Variants in DGKG observed in about 807,000 individuals in gnomAD.
DGKG encodes diacylglycerol kinase gamma.
In DGKG, 78 loss-of-function variants were observed where a neutral mutation model predicts 105.3. That is an observed-to-expected ratio of 0.74 (90% CI 0.62 to 0.89). DGKG has a LOEUF of 0.89. DGKG is among the 40% of genes least tolerant of loss of function. The probability of loss-of-function intolerance (pLI) is 0.00; values close to 1 mark genes in which losing one functional copy is unlikely to be tolerated. For missense variants in DGKG, 958 were observed against 1,020.1 expected (o/e 0.94, Z 0.83); for synonymous variants, 346 against 367.1 (o/e 0.94, Z 0.66).
intron 1 of DGKG, among the ~76,000 whole-genome samples, chr3:186,343,079 G>A (rs1374299773): frequency 2.6e-5 from 4 of 152,068 alleles, no homozygotes; most frequent in African/African-American, 9.7e-5. Flanking sequence ...CCCACTATGG[G>A]CCAAAAAAAG....
chr3:186,152,961 CTTTTTTTTTTT>C, intron 24 of DGKG, among the ~76,000 whole-genome samples: 1 of 124,500 alleles, frequency 8.0e-6, no homozygotes, highest in East Asian at 2.4e-4. Context: ...CGCGCCCGGC[CTTTTTTTTTTT>C]TTTTTTTTTA....
At chr3:186,235,623 G>A (rs1720378184) in intron 20 of DGKG, among the ~76,000 whole-genome samples, 1 of 152,188 alleles carries the variant, frequency 6.6e-6, no homozygotes, top group Non-Finnish European at 1.5e-5. Context: ...TGTAAATCAT[G>A]ATATATTTTA....
intron 1 of DGKG, among the ~76,000 whole-genome samples, chr3:186,329,098 A>G (rs978436932): frequency 6.6e-5 from 10 of 152,148 alleles, no homozygotes; most frequent in African/African-American, 2.4e-4. Flanking sequence ...AGTATGAACA[A>G]TCTTCTTATT....
At chr3:186,294,833 G>A (rs1195959403) in intron 5 of DGKG, among the ~76,000 whole-genome samples, 4 of 152,174 alleles carry the variant, frequency 2.6e-5, no homozygotes, top group African/African-American at 2.4e-5. Flanking sequence ...GCTGAGTGGC[G>A]TGCTGGGCAG....
intron 22 of DGKG, among the ~76,000 whole-genome samples, chr3:186,187,041 G>T (rs1244707633): frequency 2.0e-5 from 3 of 152,226 alleles, no homozygotes; most frequent in African/African-American, 7.2e-5. Context: ...GCGATGGAGA[G>T]AGTGGCAGAA....
chr3:186,261,752 G>A lies in DGKG; in HGVS notation c.1296C>T (p.Thr432=). The A allele has an allele frequency of 1.9e-6, 3 of 1,607,548 alleles. No homozygotes were observed. Among genetic ancestry groups the A allele is most frequent in the South Asian group, 1.1e-5 (1 of 89,376 alleles). ...GGTTCACCAAGACCAGCAGGGGGTG[G>A]GTACCCGGGGTGGGGATGATCTTAT... ...MQYKIIPTPG[T]HPLLVLVNPK... The change falls in exon 15 of 25, where the codon ACC becomes ACT. Residue 432 remains threonine (T), a synonymous_variant. Transcript: ENST00000265022.
At position 186,149,883 on chromosome 3, in the gene DGKG, C is replaced by T. The variant is rs1180352106; in HGVS notation, c.*207G>A. The stretch of plus-strand genomic sequence containing the variant: ...ATTCAAAATGTTTTGTTGGCACTGG[C>T]TCTGTTAGGGGTGTACCCACTGTTG... On this transcript the variant is annotated 3_prime_UTR_variant, in exon 25 of 25. Coordinates refer to ENST00000265022, the MANE Select transcript of DGKG (RefSeq NM_001346.3). 13 of 1,334,886 alleles carry T rather than the reference C, an allele frequency of 9.7e-6. No individual in the cohort carries two copies. Among genetic ancestry groups the T allele is most frequent in the East Asian group, 3.0e-5 (1 of 32,918 alleles). The allele number at this position is 1,334,886 out of a possible 1,614,324, so 82.7% of individuals were successfully genotyped here. A position where few individuals can be genotyped will look rare whatever the true frequency, so the allele number is the denominator to read the frequency against.
intron 3 of DGKG, among the ~76,000 whole-genome samples, chr3:186,306,165 C>T (rs148070306): frequency 1.3e-5 from 2 of 151,890 alleles, no homozygotes; most frequent in African/African-American, 4.8e-5. Flanking sequence ...CAAGGCATTT[C>T]AAGAAAGTAG....
intron 20 of DGKG, among the ~76,000 whole-genome samples, chr3:186,213,413 C>G (rs1048792934): frequency 2.6e-5 from 4 of 152,232 alleles, no homozygotes; most frequent in African/African-American, 9.7e-5. Flanking sequence ...ATTTTCTATG[C>G]ATGCCATGAT....
intron 21 of DGKG, among the ~76,000 whole-genome samples, chr3:186,194,198 C>G (rs544774053): frequency 3.3e-5 from 5 of 152,374 alleles, no homozygotes; most frequent in African/African-American, 1.2e-4. Flanking sequence ...GCACAGGTAA[C>G]AGAGACAAGG....
In DGKG at chr3:186,285,701, CAG is replaced by C. The variant is rs1369004608; in HGVS notation, c.545-994_545-993del. On this transcript the variant is annotated intron_variant, in intron 6 of 24. Coordinates refer to ENST00000265022, the MANE Select transcript of DGKG (RefSeq NM_001346.3). ...TTTCTTTTTTTTTTTTTTTTTGAGA[CAG>C]AGTTTCACTCTTGTCGCCCAGGCTG... is the stretch of plus-strand genomic sequence containing the variant. 5.3e-5 allele frequency among the ~76,000 whole-genome samples: 7 copies of C among 131,930 alleles called. No individual in the cohort carries two copies. In the East Asian group the frequency reaches 1.1e-3, roughly 21 times the overall value. The allele number at this position is 131,930 out of a possible 152,430, so 86.6% of individuals were successfully genotyped here. A position where few individuals can be genotyped will look rare whatever the true frequency, so the allele number is the denominator to read the frequency against.
At chr3:186,344,404 A>G (rs868630534) in intron 1 of DGKG, among the ~76,000 whole-genome samples, 2 of 152,372 alleles carry the variant, frequency 1.3e-5, no homozygotes, top group Middle Eastern at 3.4e-3. Context: ...ATATACAGTG[A>G]TAAAAAGAAC....
At chr3:186,160,854 C>T (rs1259989517) in intron 24 of DGKG, 4 of 985,260 alleles carry the variant, frequency 4.1e-6, no homozygotes, top group African/African-American at 3.5e-5. Flanking sequence ...ATGCATGGCT[C>T]CTGTCCTAGT....
At chr3:186,268,777 G>C (rs752896994) in intron 12 of DGKG, 24 bp downstream of exon 12, 50 of 1,549,816 alleles carry the variant, frequency 3.2e-5, no homozygotes, top group Non-Finnish European at 4.4e-5. Flanking sequence ...AAAAGAAGCA[G>C]GGCCGCCCTG....
At chr3:186,178,846 C>G (rs1236819141) in intron 22 of DGKG, among the ~76,000 whole-genome samples, 1 of 152,166 alleles carries the variant, frequency 6.6e-6, no homozygotes, top group Non-Finnish European at 1.5e-5. Flanking sequence ...AAGAATTGTA[C>G]GTTTGGAATA....
intron 20 of DGKG, among the ~76,000 whole-genome samples, chr3:186,214,271 C>T (rs569396168): frequency 6.9e-4 from 105 of 152,244 alleles, no homozygotes; most frequent in African/African-American, 2.5e-3. Flanking sequence ...TGTTTTTAAG[C>T]CTCAGTTTCC....
chr3:186,260,435 A>G lies in DGKG; in HGVS notation c.1424+4T>C, dbSNP rs763227881. ...ATAAGAGGTAAAGATTGTGATCTCC[A>G]TACCCTGGAGTAGGCCCCCCATTGT... is the stretch of plus-strand genomic sequence containing the variant. On this transcript the variant is annotated splice_donor_region_variant and intron_variant, in intron 16 of 24. Transcript: ENST00000265022. 19 of 1,604,278 alleles carry G rather than the reference A, an allele frequency of 1.2e-5. No homozygotes were observed. Among genetic ancestry groups the G allele is most frequent in the Non-Finnish European group, 1.6e-5 (19 of 1,171,146 alleles).
chr3:186,235,878 T>C (rs1720395084), intron 20 of DGKG, among the ~76,000 whole-genome samples: 1 of 152,122 alleles, frequency 6.6e-6, no homozygotes, highest in Non-Finnish European at 1.5e-5. Context: ...TGCCATGCAG[T>C]CCATGACCCC....
chr3:186,353,330 T>G (rs1001094736), intron 1 of DGKG, among the ~76,000 whole-genome samples: 2 of 151,920 alleles, frequency 1.3e-5, no homozygotes, highest in African/African-American at 4.8e-5. Context: ...GAGACCAGCC[T>G]GAACATGGTG....
Sources: gnomAD v4.1 joint callset for allele counts (sites outside exome capture counted in the v4.1 genomes callset) on GRCh38, gnomAD v4.1.1 for gene constraint, MANE v1.5 for transcripts, NCBI Gene and HGNC (gene_info 2026-07-23, HGNC 2026-07-21) for gene names.